Variants in CASP6 observed in about 807,000 individuals in gnomAD.
CASP6 encodes the protein caspase-6.
In CASP6, 20 loss-of-function variants were observed where a neutral mutation model predicts 31.8. The observed-to-expected ratio is 0.63, with a 90% CI of 0.44 to 0.91. The LOEUF is 0.91. Ranked by LOEUF, CASP6 falls within the 40% of genes least tolerant of loss-of-function variation. The pLI is 0.00. For missense variants in CASP6, 328 were observed against 361.1 expected, an observed-to-expected ratio of 0.91 and a Z score of 0.74; for synonymous variants, 130 against 127.8, an observed-to-expected ratio of 1.02 and a Z score of -0.12.
At chr4:109,680,649 A>G in the CASP6 span, among the ~76,000 whole-genome samples, 1 of 152,180 alleles carries the variant, frequency 6.6e-6, no homozygotes, top group Non-Finnish European at 1.5e-5. Flanking sequence ...TGTGGCAGCT[A>G]TAGCCTAGAC....
rs5030601 is a variant in CASP6, at chr4:109,688,957, T to C, written c.*373A>G. 5.7e-6 allele frequency: 1 copy of C among 176,576 alleles called. No individual in the cohort carries two copies. 10.9% of individuals were successfully genotyped at this position (176,576 alleles called of 1,614,324 possible). ...ACCATAATGCTTCACCCTAACGATA[T>C]TTATATAAAAGGAAGAGAAAGACAT... On this transcript the variant is annotated 3_prime_UTR_variant, in exon 7 of 7. Transcript: ENST00000265164.
chr4:109,674,995 G>T, the CASP6 span, among the ~76,000 whole-genome samples: 14 of 152,126 alleles, frequency 9.2e-5, no homozygotes, highest in African/African-American at 3.4e-4. Context: ...TATACAGAAG[G>T]CTATCACACT....
the CASP6 span, among the ~76,000 whole-genome samples, chr4:109,675,881 C>T: frequency 6.6e-6 from 1 of 152,158 alleles, no homozygotes; most frequent in East Asian, 1.9e-4. Context: ...AAGGGTCTCA[C>T]CAAATATGCC....
intron 5 of CASP6, chr4:109,692,841 T>TA (rs1296126686): frequency 1.3e-5 from 2 of 152,298 alleles, no homozygotes; most frequent in Non-Finnish European, 2.9e-5. Flanking sequence ...ATTCTTCACT[T>TA]ACAGCCACTT....
chr4:109,696,447 A>G lies in CASP6; in HGVS notation c.270T>C (p.Asp90=). The change falls in exon 4 of 7, where the codon GAT becomes GAC. Residue 90 remains aspartate (D), a synonymous_variant. Coordinates refer to ENST00000265164, the MANE Select transcript of CASP6 (RefSeq NM_001226.4). Reference sequence around the variant, plus strand: ...TGAGCAGTAGTTCTTCTGCTTTAAGATCATTAAAGCATTTCACTTCAAATC... The same window carrying G: ...TGAGCAGTAGTTCTTCTGCTTTAAGGTCATTAAAGCATTTCACTTCAAATC... ...DLGFEVKCFN[D]LKAEELLLKI... 6.2e-7 allele frequency: 1 copy of G among 1,612,906 alleles called. No individual in the cohort carries two copies. Among genetic ancestry groups the G allele is most frequent in the South Asian group, 1.1e-5 (1 of 91,010 alleles).
intron 4 of CASP6, 81 bp downstream of exon 4, chr4:109,696,329 C>T: frequency 9.9e-7 from 1 of 1,010,712 alleles, no homozygotes; most frequent in Non-Finnish European, 1.5e-6. Context: ...CAAGTAATTA[C>T]TTGTACCTGT....
rs5030562 is a variant in CASP6 at position 109,696,364 on chromosome 4, G to A, written c.307+46C>T. The A allele has an allele frequency of 2.5e-5, 33 of 1,344,676 alleles. No individual in the cohort carries two copies. In the East Asian group the frequency reaches 3.2e-4, roughly 13 times the overall value. 83.3% of individuals were successfully genotyped at this position (1,344,676 alleles called of 1,614,324 possible). ...TCTTTACAGATAGGATAAAGGACTC[G>A]GTTTCATTAGAGGAAGATGAACTAT... On this transcript the variant is annotated intron_variant, in intron 4 of 6. Coordinates refer to ENST00000265164, the MANE Select transcript of CASP6 (RefSeq NM_001226.4).
At chr4:109,697,232 ATTTTT>A (rs5030553) in intron 3 of CASP6, among the ~76,000 whole-genome samples, 1 of 151,696 alleles carries the variant, frequency 6.6e-6, no homozygotes, top group Admixed American at 6.6e-5. Flanking sequence ...TTAATTTTTA[ATTTTT>A]TTTAACTTTT....
the CASP6 span, among the ~76,000 whole-genome samples, chr4:109,675,422 T>C: frequency 6.6e-6 from 1 of 152,334 alleles, no homozygotes; most frequent in East Asian, 1.9e-4. Context: ...CCACACACAC[T>C]AAGAGAGTTG....
the CASP6 span, among the ~76,000 whole-genome samples, chr4:109,671,406 GT>G: frequency 6.6e-6 from 1 of 151,688 alleles, no homozygotes; most frequent in African/African-American, 2.4e-5. Context: ...ATTTTGTTAG[GT>G]TTTTTTTCCA....
chr4:109,703,632 G>C, upstream of CASP6: 1 of 571,006 alleles, frequency 1.8e-6, no homozygotes, highest in Non-Finnish European at 3.1e-6. Context: ...CGGGGGCAGG[G>C]AGAGGTACGC....
intron 4 of CASP6, among the ~76,000 whole-genome samples, chr4:109,695,228 T>A (rs1730201187): frequency 6.6e-6 from 1 of 152,288 alleles, no homozygotes; most frequent in South Asian, 2.1e-4. Flanking sequence ...AAAATCCAAA[T>A]TTATTAAAGT....
chr4:109,694,428 A>G, intron 5 of CASP6, 97 bp downstream of exon 5: 1 of 1,137,808 alleles, frequency 8.8e-7, no homozygotes, highest in Non-Finnish European at 1.2e-6. Flanking sequence ...CTGTCCAATT[A>G]CTGGAGAAAG....
intron 6 of CASP6, among the ~76,000 whole-genome samples, chr4:109,690,461 G>A (rs536670112): frequency 6.6e-6 from 1 of 151,870 alleles, no homozygotes; most frequent in Admixed American, 6.6e-5. Flanking sequence ...AATTGAGGCT[G>A]CAGTGAGCCA....
chr4:109,670,007 A>T, the CASP6 span, among the ~76,000 whole-genome samples: 1 of 152,182 alleles, frequency 6.6e-6, no homozygotes, highest in Non-Finnish European at 1.5e-5. Flanking sequence ...TGTTCCTGCC[A>T]TGTCTGGCTC....
the CASP6 span, among the ~76,000 whole-genome samples, chr4:109,673,316 C>A: frequency 6.6e-6 from 1 of 152,220 alleles, no homozygotes; most frequent in Non-Finnish European, 1.5e-5. Context: ...CCTCAAACCA[C>A]CACATGGACC....
chr4:109,700,256 C>T (rs1730377590), intron 1 of CASP6, among the ~76,000 whole-genome samples: 1 of 152,200 alleles, frequency 6.6e-6, no homozygotes, highest in Non-Finnish European at 1.5e-5. Flanking sequence ...AAATTAATAA[C>T]TTAAGATGTG....
chr4:109,708,378 A>T (rs1287679434), upstream of CASP6, among the ~76,000 whole-genome samples: 1 of 152,250 alleles, frequency 6.6e-6, no homozygotes, highest in Non-Finnish European at 1.5e-5. Context: ...TGAAGAGCTC[A>T]ATGAATATTG....
chr4:109,682,023 C>T, the CASP6 span, among the ~76,000 whole-genome samples: 6 of 152,294 alleles, frequency 3.9e-5, no homozygotes, highest in African/African-American at 9.6e-5. Context: ...AATAGATGAT[C>T]GGCTATTTCT....
Sources: gnomAD v4.1 joint callset for allele counts (sites outside exome capture counted in the v4.1 genomes callset) on GRCh38, gnomAD v4.1.1 for gene constraint, MANE v1.5 for transcripts, NCBI Gene and HGNC (gene_info 2026-07-23, HGNC 2026-07-21) for gene names.